Variants in GNG7 observed in about 807,000 individuals in gnomAD.
The protein encoded by GNG7 is G protein subunit gamma 7, also known as guanine nucleotide-binding protein G(I)/G(S)/G(O) subunit gamma-7.
GNG7 carries 1 observed loss-of-function variant against 4.0 expected under a neutral mutation model. That is an observed-to-expected ratio of 0.25 (90% CI 0.09 to 1.18). GNG7 has a LOEUF of 1.18. GNG7 is among the 50% of genes most tolerant of loss of function. GNG7 has a pLI of 0.50. For synonymous variants in GNG7, 34 were observed against 36.9 expected (o/e 0.92, Z 0.29); for missense variants, 86 against 91.9 (o/e 0.94, Z 0.26).
chr19:2,592,986 C>T (rs1371908112), intron 2 of GNG7, among the ~76,000 whole-genome samples: 10 of 110,270 alleles, frequency 9.1e-5, no homozygotes, highest in East Asian at 2.9e-4. Flanking sequence ...GAGAGAGGGA[C>T]GGAGGGAGGG....
intron 2 of GNG7, among the ~76,000 whole-genome samples, chr19:2,567,653 C>G (rs947736628): frequency 6.6e-6 from 1 of 152,112 alleles, no homozygotes; most frequent in African/African-American, 2.4e-5. Context: ...CCTACTTAGG[C>G]ACTGCCTCTG....
intron 1 of GNG7, among the ~76,000 whole-genome samples, chr19:2,662,888 A>C (rs1983215468): frequency 6.6e-6 from 1 of 152,172 alleles, no homozygotes; most frequent in Admixed American, 6.5e-5. Context: ...TCCTGAAAAT[A>C]ACTAGAAGCT....
intron 2 of GNG7, among the ~76,000 whole-genome samples, chr19:2,638,575 G>A (rs1222020635): frequency 7.2e-6 from 1 of 137,960 alleles, no homozygotes; most frequent in Non-Finnish European, 1.6e-5. Flanking sequence ...GAAGGGAAGG[G>A]AGAAAGAAAG....
At chr19:2,645,857 C>T (rs1982650757) in intron 2 of GNG7, among the ~76,000 whole-genome samples, 1 of 152,202 alleles carries the variant, frequency 6.6e-6, no homozygotes, top group African/African-American at 2.4e-5. Context: ...AGCGACGGGT[C>T]ACTCTCCAGG....
intron 2 of GNG7, chr19:2,642,843 G>C: frequency 2.2e-6 from 1 of 456,768 alleles, no homozygotes; most frequent in East Asian, 6.9e-5. Context: ...GCAGCCCCAG[G>C]AAGCACCGGG....
intron 2 of GNG7, among the ~76,000 whole-genome samples, chr19:2,596,669 C>CG (rs933258716): frequency 6.6e-6 from 1 of 150,838 alleles, no homozygotes; most frequent in African/African-American, 2.4e-5. Flanking sequence ...ACCCTGTCCC[C>CG]CCCCCAAAAA....
chr19:2,553,781 TCACA>T (rs548212433), intron 3 of GNG7, among the ~76,000 whole-genome samples: 1 of 145,984 alleles, frequency 6.9e-6, no homozygotes, highest in African/African-American at 2.6e-5. Flanking sequence ...TAATGTTATA[TCACA>T]CACATGTACG....
At chr19:2,696,347 A>AAAGAAAG (rs758616376) in intron 1 of GNG7, among the ~76,000 whole-genome samples, 19 of 119,312 alleles carry the variant, frequency 1.6e-4, no homozygotes, top group African/African-American at 6.0e-4. Context: ...AGAAAGAAAG[A>AAAGAAAG]AAAGAAAGAA....
chr19:2,644,327 TTA>T (rs56143197), intron 2 of GNG7, among the ~76,000 whole-genome samples: 509 of 113,608 alleles, frequency 4.5e-3, no homozygotes, highest in Middle Eastern at 9.4e-3. Flanking sequence ...GGCCTACACT[TTA>T]TATATATATA....
chr19:2,686,988 G>A (rs1200986053), intron 1 of GNG7, among the ~76,000 whole-genome samples: 3 of 151,212 alleles, frequency 2.0e-5, no homozygotes, highest in Non-Finnish European at 2.9e-5. Context: ...TCCTGACCTC[G>A]TGATCCGCCC....
intron 1 of GNG7, among the ~76,000 whole-genome samples, chr19:2,664,014 C>G (rs1983242398): frequency 6.6e-6 from 1 of 152,176 alleles, no homozygotes; most frequent in Non-Finnish European, 1.5e-5. Context: ...GGCTTGCCCC[C>G]AGTTGAGACC....
At chr19:2,607,562 T>TAAAAAAAAAAAAAAAAAAAAAAAAAGA (rs57077280) in intron 2 of GNG7, among the ~76,000 whole-genome samples, 1 of 110,574 alleles carries the variant, frequency 9.0e-6, no homozygotes, top group Non-Finnish European at 1.8e-5. Context: ...ACTAAAATGG[T>TAAAAAAAAAAAAAAAAAAAAAAAAAGA]AAAAAAAAAA....
At chr19:2,597,413 A>AC (rs1981054927) in intron 2 of GNG7, among the ~76,000 whole-genome samples, 2 of 152,132 alleles carry the variant, frequency 1.3e-5, no homozygotes, top group Admixed American at 1.3e-4. Flanking sequence ...CCTGGCCAAC[A>AC]TGGTGAAACC....
At chr19:2,669,292 C>T (rs939396620) in intron 1 of GNG7, among the ~76,000 whole-genome samples, 40 of 152,152 alleles carry the variant, frequency 2.6e-4, no homozygotes, top group African/African-American at 8.7e-4. Flanking sequence ...GAGTTCGAGA[C>T]CAGCCTGACC....
In GNG7 at chr19:2,643,086, G is replaced by C. The variant is rs778825855; in HGVS notation, c.-78+3138C>G. 4 of 447,178 alleles carry C rather than the reference G, an allele frequency of 8.9e-6. No individual in the cohort carries two copies. In the East Asian group the frequency reaches 2.9e-4, roughly 32 times the overall value. 27.7% of individuals were successfully genotyped at this position (447,178 alleles called of 1,614,324 possible). Reference sequence around the variant, plus strand: ...CGGGCTCTGCACACCTTTCCGCCTTGCGCCATTGGCACCGGAAATGCTAAG... The same window carrying C: ...CGGGCTCTGCACACCTTTCCGCCTTCCGCCATTGGCACCGGAAATGCTAAG... On this transcript the variant is annotated intron_variant, in intron 2 of 4. Coordinates refer to ENST00000382159, the MANE Select transcript of GNG7 (RefSeq NM_052847.3).
At chr19:2,693,429 A>AT (rs1191532974) in intron 1 of GNG7, among the ~76,000 whole-genome samples, 21 of 151,486 alleles carry the variant, frequency 1.4e-4, no homozygotes, top group African/African-American at 5.1e-4. Context: ...AAAAAAAAAA[A>AT]AGAAAGAAAG....
intron 1 of GNG7, among the ~76,000 whole-genome samples, chr19:2,686,845 A>G (rs1000241235): frequency 2.0e-5 from 3 of 146,618 alleles, no homozygotes. Context: ...TCTGCCTCCC[A>G]GGTTCACACC....
At chr19:2,697,389 G>A (rs1043394618) in intron 1 of GNG7, among the ~76,000 whole-genome samples, 7 of 152,084 alleles carry the variant, frequency 4.6e-5, no homozygotes, top group African/African-American at 7.2e-5. Context: ...CACTCACGCC[G>A]CAGGATGGGG....
intron 1 of GNG7, among the ~76,000 whole-genome samples, chr19:2,665,215 A>G (rs993585128): frequency 2.6e-5 from 4 of 152,164 alleles, no homozygotes; most frequent in Non-Finnish European, 5.9e-5. Context: ...CACGGTGGAC[A>G]CTGGGGCTGT....
Sources: allele counts gnomAD v4.1 joint callset (sites outside exome capture counted in the v4.1 genomes callset), GRCh38; gene constraint gnomAD v4.1.1; transcripts MANE v1.5; gene names NCBI Gene and HGNC (gene_info 2026-07-23, HGNC 2026-07-21).